Variants in PPP2R2C observed in about 807,000 individuals in gnomAD.
The protein encoded by PPP2R2C is protein phosphatase 2, regulatory subunit B, gamma.
PPP2R2C carries 10 observed loss-of-function variants against 45.3 expected under a neutral mutation model. The observed-to-expected ratio is 0.22, with a 90% CI of 0.14 to 0.37. The LOEUF (loss-of-function observed/expected upper bound fraction) is 0.37, where lower values mean the gene tolerates loss of function less well. Among genes scored for constraint, PPP2R2C ranks in the 10% least tolerant of loss-of-function variants. PPP2R2C has a pLI of 1.00. For synonymous variants in PPP2R2C, 257 were observed against 245.4 expected (o/e 1.05, Z -0.44); for missense variants, 308 against 619.7 (o/e 0.50, Z 5.34).
At chr4:6,432,018 C>T (rs1719649827) in intron 1 of PPP2R2C, among the ~76,000 whole-genome samples, 1 of 152,156 alleles carries the variant, frequency 6.6e-6, no homozygotes, top group Non-Finnish European at 1.5e-5. Flanking sequence ...TAAATGAGGG[C>T]TCCATCTTCA....
rs373202238 is a variant in PPP2R2C, at chr4:6,372,508, C to T, written c.625+15G>A. 6.2e-7 allele frequency: 1 copy of T among 1,612,022 alleles called. No homozygotes were observed. Among genetic ancestry groups the T allele is most frequent in the South Asian group, 1.1e-5 (1 of 90,996 alleles). ...TGCCCGTGGGAGGCACTGGCCAGGC[C>T]ACAGTGAAGGATACTGAAGCTCCTG... On this transcript the variant is annotated intron_variant, in intron 5 of 8. Transcript: ENST00000382599.
At chr4:6,327,203 C>T (rs1006972229) in intron 8 of PPP2R2C, among the ~76,000 whole-genome samples, 1 of 152,198 alleles carries the variant, frequency 6.6e-6, no homozygotes. Context: ...CCCCCCAGGG[C>T]ACCCCACCCA....
At chr4:6,341,217 C>T (rs905666541) in intron 6 of PPP2R2C, among the ~76,000 whole-genome samples, 1 of 152,006 alleles carries the variant, frequency 6.6e-6, no homozygotes, top group Non-Finnish European at 1.5e-5. Context: ...CCGGCACCTG[C>T]AATCCCATCT....
chr4:6,346,377 A>G (rs1462128700), intron 6 of PPP2R2C, among the ~76,000 whole-genome samples: 2 of 151,948 alleles, frequency 1.3e-5, no homozygotes, highest in Non-Finnish European at 2.9e-5. Flanking sequence ...AGAGATCGGC[A>G]CCACCCACCC....
chr4:6,421,619 G>A (rs1051984706), intron 1 of PPP2R2C, among the ~76,000 whole-genome samples: 2 of 152,082 alleles, frequency 1.3e-5, no homozygotes, highest in African/African-American at 2.4e-5. Context: ...ACCACAAGAC[G>A]ATAAACCAGC....
rs1733254050 is a variant in PPP2R2C at position 6,339,260 on chromosome 4, C to A, written c.791-5529G>T. ...TCATGGGGCTGTAAGCTCCCTTGGG[C>A]CAGGGGTCCTGCCTTGGTCATTAGT... On this transcript the variant is annotated intron_variant, in intron 6 of 8. Transcript: ENST00000382599. Among the ~76,000 whole-genome samples, 3 of 152,206 alleles carry A rather than the reference C, an allele frequency of 2.0e-5. No homozygotes were observed. The South Asian group carries it at 6.2e-4, about 31-fold the overall frequency.
intron 1 of PPP2R2C, among the ~76,000 whole-genome samples, chr4:6,408,390 C>T (rs1349012368): frequency 6.6e-6 from 1 of 152,172 alleles, no homozygotes. Flanking sequence ...CCCCATGCTG[C>T]CCTCCACTGA....
Position 6,368,594 on chromosome 4 carries a change from A to G in PPP2R2C, c.625+3929T>C, listed in dbSNP as rs147114576. On this transcript the variant is annotated intron_variant, in intron 5 of 8. Transcript: ENST00000382599. This position sits in a 1 kb window ranked among gnomAD's most constrained non-coding sequence, Gnocchi z 4.2. ...GGAGGACTTTGCAGTCCTGGGATGA[A>G]CCAACCCCCTTTTCTTCTTTACAGC... 4.1e-3 allele frequency among the ~76,000 whole-genome samples: 628 copies of G among 152,284 alleles called. 6 individuals carry two copies. The highest frequency in any genetic ancestry group is 0.014 in the African/African-American group (579 of 41,546).
chr4:6,389,204 C>T (rs61215456), intron 1 of PPP2R2C, among the ~76,000 whole-genome samples: 7 of 152,210 alleles, frequency 4.6e-5, no homozygotes, highest in Non-Finnish European at 1.0e-4. Context: ...ATGTGAAATT[C>T]AAACGATTCT....
intron 1 of PPP2R2C, among the ~76,000 whole-genome samples, chr4:6,433,599 C>T (rs1010683071): frequency 3.9e-5 from 6 of 152,194 alleles, no homozygotes; most frequent in Admixed American, 2.6e-4. Context: ...AGTCATCCCC[C>T]CCATTGGGCC....
rs985023320 is a variant in PPP2R2C, at chr4:6,471,930, G to T, written c.70+230C>A. On this transcript the variant is annotated intron_variant, in intron 1 of 8. Transcript: ENST00000382599. This position sits in a 1 kb window ranked among gnomAD's most constrained non-coding sequence, Gnocchi z 5.6. ...GGAGGGCGGCGCGGAGGAGGGCGCT[G>T]CCCTGTGCCGGCGCTGGGCAGCGGA... 4.0e-5 allele frequency among the ~76,000 whole-genome samples: 6 copies of T among 150,398 alleles called. No individual in the cohort carries two copies. Among genetic ancestry groups the T allele is most frequent in the Admixed American group, 6.6e-5 (1 of 15,168 alleles).
chr4:6,349,368 A>C, intron 5 of PPP2R2C: 1 of 970,768 alleles, frequency 1.0e-6, no homozygotes, highest in Non-Finnish European at 1.2e-6. Flanking sequence ...TCATCTGTAA[A>C]ATGAGTCAGC....
At chr4:6,436,033 C>T (rs1719876268) in intron 1 of PPP2R2C, among the ~76,000 whole-genome samples, 1 of 152,118 alleles carries the variant, frequency 6.6e-6, no homozygotes. Context: ...GGGATTAGTA[C>T]CCTTATAAAA....
intron 1 of PPP2R2C, among the ~76,000 whole-genome samples, chr4:6,550,553 A>G (rs1262824250): frequency 4.6e-5 from 7 of 152,204 alleles, no homozygotes. Context: ...TGGGAAGCAC[A>G]GACAGACCTG....
At chr4:6,424,003 C>A (rs971160485) in intron 1 of PPP2R2C, among the ~76,000 whole-genome samples, 3 of 152,264 alleles carry the variant, frequency 2.0e-5, no homozygotes, top group South Asian at 2.1e-4. Context: ...GGCCAAGGCA[C>A]CTCCTCCTGC....
intron 1 of PPP2R2C, among the ~76,000 whole-genome samples, chr4:6,561,905 C>T (rs1388586179): frequency 4.6e-5 from 7 of 152,240 alleles, no homozygotes; most frequent in South Asian, 2.1e-4. Flanking sequence ...CACTCACTCA[C>T]GCACTCACTA....
intron 2 of PPP2R2C, among the ~76,000 whole-genome samples, chr4:6,523,943 C>T (rs1046860394): frequency 3.9e-5 from 6 of 152,092 alleles, no homozygotes; most frequent in Non-Finnish European, 7.4e-5. Flanking sequence ...GAGACAGTTT[C>T]GCTCTTGTTG....
intron 1 of PPP2R2C, among the ~76,000 whole-genome samples, chr4:6,387,231 A>G (rs28785197): frequency 0.24 from 36,189 of 152,054 alleles, 4,659 homozygotes; most frequent in African/African-American, 0.33. Context: ...AAAGACATCA[A>G]TTTACAAATT....
chr4:6,474,479 T>A (rs1722066340), upstream of PPP2R2C, among the ~76,000 whole-genome samples: 1 of 152,026 alleles, frequency 6.6e-6, no homozygotes, highest in Non-Finnish European at 1.5e-5. Context: ...TCAGCCTCCC[T>A]CTCTGATCAT....
Sources: gnomAD v4.1 joint callset for allele counts (sites outside exome capture counted in the v4.1 genomes callset) on GRCh38, gnomAD v4.1.1 for gene constraint, Gnocchi (gnomAD v3.1) non-coding constraint, MANE v1.5 for transcripts, NCBI Gene and HGNC (gene_info 2026-07-23, HGNC 2026-07-21) for gene names.